The following SGCD variants were observed in gnomAD, a reference collection of about 807,000 sequenced individuals.
SGCD encodes sarcoglycan delta.
A neutral mutation model predicts 36.6 loss-of-function variants in SGCD; 18 were observed. That is an observed-to-expected ratio of 0.49 (90% CI 0.34 to 0.73). SGCD has a LOEUF of 0.73. SGCD is among the 30% of genes least tolerant of loss of function. The pLI is 0.01. For synonymous variants in SGCD, 133 were observed against 130.6 expected (o/e 1.02, Z -0.12); for missense variants, 387 against 346.7 (o/e 1.12, Z -0.92).
chr5:156,360,082 C>G (rs1395732244), intron 3 of SGCD, among the ~76,000 whole-genome samples: 4 of 152,086 alleles, frequency 2.6e-5, no homozygotes, highest in African/African-American at 7.2e-5. Context: ...GGGGCGGGTC[C>G]CCACTGAAAC....
chr5:156,321,945 C>G (rs760094628), upstream of SGCD, among the ~76,000 whole-genome samples: 18 of 152,326 alleles, frequency 1.2e-4, no homozygotes, highest in South Asian at 1.9e-3. Flanking sequence ...TGAGTTCCAT[C>G]TGCTGTAACC....
intron 2 of SGCD, among the ~76,000 whole-genome samples, chr5:156,118,112 G>A (rs887048565): frequency 1.5e-4 from 23 of 152,104 alleles, no homozygotes; most frequent in African/African-American, 5.6e-4. Flanking sequence ...ACACTAGCAA[G>A]TAAGGAGAGT....
At chr5:156,344,414 T>A (rs1768832384) in intron 2 of SGCD, 75 bp from the exon 3 acceptor site, 3 of 1,061,414 alleles carry the variant, frequency 2.8e-6, no homozygotes, top group Non-Finnish European at 2.7e-6. Context: ...TCAGTTGATT[T>A]TTTTTTCCTT....
At chr5:156,138,350 G>A (rs1274916464) in intron 3 of SGCD, among the ~76,000 whole-genome samples, 1 of 152,206 alleles carries the variant, frequency 6.6e-6, no homozygotes, top group African/African-American at 2.4e-5. Flanking sequence ...GCGGTGAGCT[G>A]AGATCGTGCC....
chr5:156,471,813 A>T (rs1426058624), intron 3 of SGCD, among the ~76,000 whole-genome samples: 2 of 152,132 alleles, frequency 1.3e-5, no homozygotes, highest in Non-Finnish European at 2.9e-5. Flanking sequence ...AAAACTTCTC[A>T]TCAAAAGACA....
intron 3 of SGCD, among the ~76,000 whole-genome samples, chr5:156,404,585 C>A (rs1406217900): frequency 1.3e-5 from 2 of 152,190 alleles, no homozygotes; most frequent in African/African-American, 2.4e-5. Context: ...TTCCTCCTCA[C>A]TCCTCATGTC....
At chr5:156,232,863 T>C (rs1435745233) in intron 3 of SGCD, among the ~76,000 whole-genome samples, 1 of 152,182 alleles carries the variant, frequency 6.6e-6, no homozygotes, top group Admixed American at 6.5e-5. Flanking sequence ...GTTTTAACTT[T>C]CATTAAAAGG....
At chr5:156,061,980 G>C (rs1226378709) in intron 1 of SGCD, among the ~76,000 whole-genome samples, 1 of 65,960 alleles carries the variant, frequency 1.5e-5, no homozygotes, top group African/African-American at 9.9e-5. Flanking sequence ...TGTGCACATT[G>C]TGCAGGTTAG....
At chr5:155,875,093 G>A (rs1236113837) in intron 1 of SGCD, among the ~76,000 whole-genome samples, 1 of 152,098 alleles carries the variant, frequency 6.6e-6, no homozygotes, top group African/African-American at 2.4e-5. Context: ...GCAAACTATT[G>A]ATGCAAGCAA....
intron 7 of SGCD, among the ~76,000 whole-genome samples, chr5:156,707,898 G>T (rs1754810451): frequency 1.3e-5 from 2 of 152,158 alleles, no homozygotes; most frequent in Non-Finnish European, 2.9e-5. Flanking sequence ...AACAATAACA[G>T]AAGAGATTGG....
intron 1 of SGCD, among the ~76,000 whole-genome samples, chr5:156,012,769 T>C (rs1758887009): frequency 6.6e-6 from 1 of 151,604 alleles, no homozygotes; most frequent in Non-Finnish European, 1.5e-5. Flanking sequence ...CCTGCCACCA[T>C]GCCTGGCTAA....
Position 156,612,305 on chromosome 5 carries a change from A to G in SGCD, c.502+17254A>G, listed in dbSNP as rs79630168. Among the ~76,000 whole-genome samples, 1,077 of 152,352 alleles carry G rather than the reference A, an allele frequency of 7.1e-3. 14 individuals are homozygous for G. The highest frequency in any genetic ancestry group is 0.025 in the African/African-American group (1,035 of 41,572). On this transcript the variant is annotated intron_variant, in intron 6 of 8. Transcript: ENST00000337851. ...GCTTTTGTTCTGGGTGGACCCAGTA[A>G]CATAGCCTCTGTGCAGTTTCTTCAG...
At chr5:156,359,628 C>A in intron 3 of SGCD, among the ~76,000 whole-genome samples, 1 of 152,136 alleles carries the variant, frequency 6.6e-6, no homozygotes, top group East Asian at 1.9e-4. Context: ...GATACTGTCT[C>A]CATTCCTCAG....
chr5:156,104,218 A>G (rs1050454521), intron 1 of SGCD, among the ~76,000 whole-genome samples: 2 of 152,188 alleles, frequency 1.3e-5, no homozygotes, highest in Admixed American at 1.3e-4. Flanking sequence ...ATATAGCTAA[A>G]TTGTAATCTT....
At chr5:156,524,772 C>A (rs1023332459) in intron 4 of SGCD, among the ~76,000 whole-genome samples, 10 of 151,896 alleles carry the variant, frequency 6.6e-5, no homozygotes, top group Non-Finnish European at 1.2e-4. Flanking sequence ...CACTAACAAC[C>A]CTTCTACTCA....
At chr5:156,105,820 A>C (rs906501310) in intron 1 of SGCD, among the ~76,000 whole-genome samples, 4 of 152,104 alleles carry the variant, frequency 2.6e-5, no homozygotes, top group Non-Finnish European at 5.9e-5. Context: ...CTGTGAAAAG[A>C]AAGCAGGAGA....
intron 4 of SGCD, among the ~76,000 whole-genome samples, chr5:156,568,419 A>G (rs1456315780): frequency 1.3e-5 from 2 of 152,204 alleles, no homozygotes; most frequent in Non-Finnish European, 2.9e-5. Flanking sequence ...AGCTGTAACC[A>G]CTAAATGGTC....
intron 3 of SGCD, among the ~76,000 whole-genome samples, chr5:156,260,590 G>A (rs867167847): frequency 1.3e-5 from 2 of 152,046 alleles, no homozygotes; most frequent in African/African-American, 2.4e-5. Context: ...GCTCAAGTAG[G>A]TTGTGTATCC....
chr5:155,843,401 T>G, the SGCD span, among the ~76,000 whole-genome samples: 2 of 149,934 alleles, frequency 1.3e-5, no homozygotes, highest in African/African-American at 5.0e-5. Context: ...CTCTCACTTA[T>G]GCTCACACAC....
Sources: allele counts gnomAD v4.1 joint callset (sites outside exome capture counted in the v4.1 genomes callset), GRCh38; gene constraint gnomAD v4.1.1; transcripts MANE v1.5; gene names NCBI Gene and HGNC (gene_info 2026-07-23, HGNC 2026-07-21).